The following DNAH3 variants were observed in gnomAD, a reference collection of about 807,000 sequenced individuals.
DNAH3 encodes dynein axonemal heavy chain 3.
A neutral mutation model predicts 432.5 loss-of-function variants in DNAH3; 332 were observed. The ratio of observed to expected loss-of-function variants is 0.77; its 90% confidence interval spans 0.70 to 0.84. The LOEUF (loss-of-function observed/expected upper bound fraction) is 0.84. Among genes scored for constraint, DNAH3 ranks in the 40% least tolerant of loss-of-function variants. DNAH3 has a pLI of 0.00. For synonymous variants in DNAH3, 1,956 were observed against 1,900.2 expected, an observed-to-expected ratio of 1.03 and a Z score of -0.76; for missense variants, 4,861 against 5,114.0, an observed-to-expected ratio of 0.95 and a Z score of 1.51.
Position 21,051,735 on chromosome 16 carries a change from A to T in DNAH3, c.4173T>A (p.Tyr1391Ter). The change falls in exon 29 of 62, where the codon TAT (tyrosine) becomes TAA (stop). Residue 1391 changes from tyrosine to a stop codon, truncating the protein, a stop_gained. Coordinates refer to ENST00000261383, the Ensembl canonical transcript of DNAH3. LOFTEE classifies it high-confidence loss of function. ...GGGAGTTTCCCAGGTACTCATAGCCATACAAGGCTTCTGTGGTGATAATCT... is the reference window on the plus strand; with the variant it reads ...GGGAGTTTCCCAGGTACTCATAGCCTTACAAGGCTTCTGTGGTGATAATCT... 6.2e-7 allele frequency: 1 copy of T among 1,614,006 alleles called. No homozygotes were observed. The highest frequency in any genetic ancestry group is 8.5e-7 in the Non-Finnish European group (1 of 1,180,018).
intron 47 of DNAH3, among the ~76,000 whole-genome samples, chr16:20,986,151 C>T (rs535706103): frequency 9.0e-4 from 137 of 151,770 alleles, no homozygotes; most frequent in Admixed American, 1.4e-3. Context: ...CCACTGTGCC[C>T]GGCCCAGTCT....
intron 43 of DNAH3, among the ~76,000 whole-genome samples, chr16:20,998,244 T>A (rs965441810): frequency 1.3e-5 from 2 of 151,556 alleles, no homozygotes; most frequent in Admixed American, 6.6e-5. Context: ...TGAGCTGGAG[T>A]TTTTTGTTTG....
chr16:21,145,213 C>A (rs1316558687), exon 3 of DNAH3: 1 of 1,612,774 alleles, frequency 6.2e-7, no homozygotes, highest in Non-Finnish European at 8.5e-7. Flanking sequence ...GGTCCTGTCC[C>A]TAGGGACACT....
intron 10 of DNAH3, chr16:21,121,005 C>T: frequency 1.4e-6 from 1 of 716,474 alleles, no homozygotes; most frequent in Non-Finnish European, 2.5e-6. Context: ...TACCAGATTG[C>T]AAAGAGAAGA....
intron 59 of DNAH3, among the ~76,000 whole-genome samples, chr16:20,937,948 C>T (rs1445136354): frequency 2.0e-5 from 3 of 152,118 alleles, no homozygotes; most frequent in Non-Finnish European, 4.4e-5. Flanking sequence ...CAGCCAAGCC[C>T]GGAGGTAATT....
chr16:21,141,297 T>TAC lies in DNAH3; in HGVS notation c.521+1_521+2dup. ...TTCTCTGGTGCCCACAGTGATATCTTACCTAGTGGAATCCTCTTTGTTTCT... is the reference window on the plus strand; with the variant it reads ...TTCTCTGGTGCCCACAGTGATATCTTACACCTAGTGGAATCCTCTTTGTTTCT... On this transcript the variant is annotated splice_region_variant and intron_variant, in intron 4 of 61. Transcript: ENST00000261383. The TAC allele has an allele frequency of 6.3e-7, 1 of 1,581,244 alleles. No individual in the cohort carries two copies. The highest frequency in any genetic ancestry group is 8.6e-7 in the Non-Finnish European group (1 of 1,159,620).
At chr16:21,106,623 G>T (rs775242518) in exon 15 of DNAH3, 7 of 1,608,126 alleles carry the variant, frequency 4.4e-6, no homozygotes, top group Admixed American at 1.7e-5. Context: ...CCTTAGTGTT[G>T]GCAGGAACCT....
rs750348870 is a variant in DNAH3 at position 21,069,547 on chromosome 16, C to T, written c.3249G>A (p.Trp1083Ter). ...ACAGCCAGGTGGCTTGGCATTTCAA[C>T]CAGGCATCCAAATTGTCTTGTATGC... Residue 1083 changes from tryptophan (W) to a stop codon, truncating the protein, a stop_gained, in exon 23 of 62, where the codon TGG (tryptophan) becomes TGA (stop). Transcript: ENST00000261383. LOFTEE classifies it high-confidence loss of function. 3.1e-6 allele frequency: 5 copies of T among 1,613,460 alleles called. No homozygotes were observed. Among genetic ancestry groups the T allele is most frequent in the Middle Eastern group, 3.3e-4 (2 of 6,062 alleles).
chr16:21,098,654 G>A, exon 17 of DNAH3: 3 of 1,613,090 alleles, frequency 1.9e-6, no homozygotes, highest in Non-Finnish European at 2.5e-6. Context: ...TTCTTTGAAA[G>A]CTCATTAAGC....
chr16:21,122,441 TA>T (rs950324947), intron 9 of DNAH3, among the ~76,000 whole-genome samples: 3 of 152,066 alleles, frequency 2.0e-5, no homozygotes, highest in Non-Finnish European at 4.4e-5. Context: ...CTTGTAATCC[TA>T]GCTACTTGAG....
chr16:21,140,507 C>T (rs1207171022), intron 5 of DNAH3, 29 bp downstream of exon 6: 1 of 1,604,748 alleles, frequency 6.2e-7, no homozygotes, highest in Non-Finnish European at 8.5e-7. Flanking sequence ...CCTCAGCAAA[C>T]CGAGGGAAAG....
exon 53 of DNAH3, chr16:20,963,743 T>C (rs898121940): frequency 6.2e-7 from 1 of 1,614,052 alleles, no homozygotes; most frequent in Non-Finnish European, 8.5e-7. Context: ...TGTTTCATGA[T>C]GCCGATGGTC....
rs2092771725 is a variant in DNAH3, at chr16:21,145,466, C to G, written c.223-60G>C. ...AGGAACATCTCTCGATGAGCCTGAGCTCTGCTCACACTGAGGCTCACAAGA... is the reference window on the plus strand; with the variant it reads ...AGGAACATCTCTCGATGAGCCTGAGGTCTGCTCACACTGAGGCTCACAAGA... On this transcript the variant is annotated intron_variant, in intron 2 of 61. Coordinates refer to ENST00000261383, the Ensembl canonical transcript of DNAH3. The G allele has an allele frequency of 2.1e-6, 3 of 1,447,070 alleles. No homozygotes were observed. The African/African-American group carries it at 4.2e-5, about 20-fold the overall frequency. 89.6% of individuals were successfully genotyped at this position (1,447,070 alleles called of 1,614,324 possible).
rs374644265 is a variant in DNAH3 at position 20,963,363 on chromosome 16, A to G, written c.10521T>C (p.Asp3507=). ...TGGAATCATTGTAGGATCCCTGGAG[A>G]TCGAACGTAGGGGCTTCGATATACA... Residue 3507 remains aspartate, a synonymous_variant, in exon 53 of 62, where the codon GAT becomes GAC. Transcript: ENST00000261383. The G allele has an allele frequency of 1.2e-5, 19 of 1,614,054 alleles. No individual in the cohort carries two copies. The South Asian group carries it at 1.8e-4, about 15-fold the overall frequency.
chr16:21,141,430 G>A (rs935832166), intron 3 of DNAH3, 58 bp from the exon 5 acceptor site: 23 of 1,252,212 alleles, frequency 1.8e-5, no homozygotes, highest in East Asian at 7.5e-5. Context: ...GCCATTCTCC[G>A]TCCACAGGGG....
At chr16:21,138,845 A>G (rs375818454) in intron 5 of DNAH3, among the ~76,000 whole-genome samples, 1 of 151,366 alleles carries the variant, frequency 6.6e-6, no homozygotes, top group African/African-American at 2.4e-5. Flanking sequence ...CTTTGGTATC[A>G]GCCAGACCGG....
chr16:21,024,584 T>A lies in DNAH3; in HGVS notation c.5646+12A>T. The A allele has an allele frequency of 6.3e-7, 1 of 1,595,912 alleles. No individual in the cohort carries two copies. The highest frequency in any genetic ancestry group is 8.5e-7 in the Non-Finnish European group (1 of 1,170,262). ...ACAGCAGGAGGGGAAGGAAAGGGTC[T>A]GAGGGGCTCACCAATTCTTTGTGCT... On this transcript the variant is annotated intron_variant, in intron 39 of 61. Coordinates refer to ENST00000261383, the Ensembl canonical transcript of DNAH3.
chr16:20,938,820 AG>A (rs924554639), intron 59 of DNAH3, among the ~76,000 whole-genome samples: 10 of 152,222 alleles, frequency 6.6e-5, no homozygotes, highest in African/African-American at 2.4e-4. Flanking sequence ...TCTCTTGCCC[AG>A]GCTGAAGTGC....
intron 39 of DNAH3, among the ~76,000 whole-genome samples, chr16:21,024,162 G>A (rs2088412053): frequency 6.6e-6 from 1 of 152,154 alleles, no homozygotes. Context: ...ACTGGTTCCA[G>A]CTCCCTCAAG....
Sources: allele counts gnomAD v4.1 joint callset (sites outside exome capture counted in the v4.1 genomes callset), GRCh38; gene constraint gnomAD v4.1.1; transcripts MANE v1.5; gene names NCBI Gene and HGNC (gene_info 2026-07-23, HGNC 2026-07-21).